Variants in NBAS observed in about 807,000 individuals in gnomAD.
NBAS encodes NAG/BC035112 fusion.
Under a neutral mutation model 302.5 loss-of-function variants are expected in NBAS, and 219 were observed. That is an observed-to-expected ratio of 0.72 (90% CI 0.65 to 0.81). The LOEUF (loss-of-function observed/expected upper bound fraction) is 0.81. NBAS is among the 30% of genes least tolerant of loss of function. The probability of loss-of-function intolerance (pLI) is 0.00; values close to 1 mark genes in which losing one functional copy is unlikely to be tolerated. For synonymous variants in NBAS, 1,118 were observed against 1,021.6 expected, an observed-to-expected ratio of 1.09 and a Z score of -1.80; for missense variants, 2,932 against 2,841.6, an observed-to-expected ratio of 1.03 and a Z score of -0.72.
the NBAS span, among the ~76,000 whole-genome samples, chr2:15,091,967 A>G: frequency 2.6e-5 from 4 of 152,234 alleles, no homozygotes; most frequent in Admixed American, 6.5e-5. Flanking sequence ...CTGGTTAACA[A>G]TAGGCTATTA....
chr2:15,461,342 A>G lies in NBAS; in HGVS notation c.2203-5T>C, dbSNP rs886423571. ...CAGGGCTTGTACATTACTTTCCTGTACAAAAGGCAAGGGGTAAGTTTCTAA... is the reference window on the plus strand; with the variant it reads ...CAGGGCTTGTACATTACTTTCCTGTGCAAAAGGCAAGGGGTAAGTTTCTAA... On this transcript the variant is annotated splice_polypyrimidine_tract_variant and splice_region_variant and intron_variant, in intron 20 of 51. Transcript: ENST00000281513. 6.2e-7 allele frequency: 1 copy of G among 1,611,446 alleles called. No homozygotes were observed. Among genetic ancestry groups the G allele is most frequent in the Admixed American group, 1.7e-5 (1 of 60,012 alleles).
chr2:14,880,598 C>A, the NBAS span, among the ~76,000 whole-genome samples: 1 of 150,808 alleles, frequency 6.6e-6, no homozygotes, highest in South Asian at 2.1e-4. Context: ...TGTGCTGAAA[C>A]TATAAAAAGA....
chr2:14,781,448 T>C, the NBAS span, among the ~76,000 whole-genome samples: 1 of 151,314 alleles, frequency 6.6e-6, no homozygotes. Flanking sequence ...ATTTCCTACC[T>C]GGGCTACTTA....
the NBAS span, among the ~76,000 whole-genome samples, chr2:15,135,867 TAAAAA>T: frequency 7.5e-6 from 1 of 132,458 alleles, no homozygotes. Flanking sequence ...GCTGATGAGC[TAAAAA>T]AAAAAAAAAA....
At chr2:15,265,509 T>A (rs1455289672) in intron 44 of NBAS, among the ~76,000 whole-genome samples, 1 of 152,192 alleles carries the variant, frequency 6.6e-6, no homozygotes, top group African/African-American at 2.4e-5. Context: ...GTGAATACAC[T>A]GTTTTCCTAG....
chr2:15,358,845 C>CT (rs955818377), intron 32 of NBAS, among the ~76,000 whole-genome samples: 29 of 152,064 alleles, frequency 1.9e-4, no homozygotes, highest in African/African-American at 6.8e-4. Flanking sequence ...AAATTTTTGA[C>CT]TTTTTTTCCT....
At chr2:14,865,617 G>A in the NBAS span, among the ~76,000 whole-genome samples, 20 of 152,078 alleles carry the variant, frequency 1.3e-4, 1 homozygote, top group South Asian at 4.1e-4. Context: ...CTTATGCCCA[G>A]CAAGTATATT....
the NBAS span, among the ~76,000 whole-genome samples, chr2:15,048,838 A>G: frequency 6.6e-6 from 1 of 152,206 alleles, no homozygotes. Flanking sequence ...CAAACAAGAC[A>G]CTGTCCCTCC....
At position 15,323,813 on chromosome 2, in the gene NBAS, C is replaced by T. The variant is rs918952825; in HGVS notation, c.4582+3937G>A. On this transcript the variant is annotated intron_variant, in intron 38 of 51. Transcript: ENST00000281513. ...TCACGCCACTGCACTCCAGCCTGGG[C>T]GACACAGCAAGACCCTGTCTCAAAA... 5.3e-5 allele frequency among the ~76,000 whole-genome samples: 8 copies of T among 150,848 alleles called. No homozygotes were observed. In the East Asian group the frequency reaches 7.8e-4, roughly 15 times the overall value.
At chr2:15,108,843 T>C in the NBAS span, among the ~76,000 whole-genome samples, 1 of 152,068 alleles carries the variant, frequency 6.6e-6, no homozygotes, top group Non-Finnish European at 1.5e-5. Flanking sequence ...GGAAGCCAAG[T>C]AGTGCTAGGG....
chr2:15,098,036 ATATTG>A, the NBAS span, among the ~76,000 whole-genome samples: 2 of 25,942 alleles, frequency 7.7e-5, no homozygotes, highest in Non-Finnish European at 6.8e-5. Context: ...TATATATATT[ATATTG>A]TATATAATAT....
chr2:14,842,626 A>C, the NBAS span, among the ~76,000 whole-genome samples: 1 of 152,024 alleles, frequency 6.6e-6, no homozygotes, highest in African/African-American at 2.4e-5. Context: ...CCATAAAGAA[A>C]TACAAAACTT....
intron 48 of NBAS, among the ~76,000 whole-genome samples, chr2:15,216,150 T>C (rs1666644316): frequency 6.6e-6 from 1 of 152,250 alleles, no homozygotes; most frequent in Admixed American, 6.5e-5. Flanking sequence ...GGACACTCAC[T>C]GATTTACTTC....
chr2:15,328,444 T>C, intron 36 of NBAS, 132 bp from the exon 37 acceptor site: 3 of 754,908 alleles, frequency 4.0e-6, no homozygotes, highest in Non-Finnish European at 6.9e-6. Flanking sequence ...TGGTAATGCC[T>C]GCTGCATTTC....
At chr2:15,157,607 T>C in the NBAS span, among the ~76,000 whole-genome samples, 1 of 152,172 alleles carries the variant, frequency 6.6e-6, no homozygotes, top group African/African-American at 2.4e-5. Context: ...CTTTTTTTCA[T>C]ATCAGATGCA....
chr2:14,849,936 A>C, the NBAS span, among the ~76,000 whole-genome samples: 1 of 138,188 alleles, frequency 7.2e-6, no homozygotes, highest in Non-Finnish European at 1.5e-5. Flanking sequence ...GGAAGTGCTA[A>C]ACATGGAAAG....
rs1672626918 is a variant in NBAS at position 15,337,239 on chromosome 2, T to G, written c.4180-6474A>C. Among the ~76,000 whole-genome samples, 2 of 152,100 alleles carry G rather than the reference T, an allele frequency of 1.3e-5. 1 individual carries two copies. Among genetic ancestry groups the G allele is most frequent in the South Asian group, 4.1e-4 (2 of 4,826 alleles). ...CAGAGGCTGATGAGGGAGGACCACT[T>G]AAGCACAGGAGTTTGAAGCTGCAGT... is the stretch of plus-strand genomic sequence containing the variant. On this transcript the variant is annotated intron_variant, in intron 35 of 51. Coordinates refer to ENST00000281513, the MANE Select transcript of NBAS (RefSeq NM_015909.4).
chr2:14,847,382 TAA>T, the NBAS span, among the ~76,000 whole-genome samples: 10,802 of 52,460 alleles, frequency 0.21, 887 homozygotes, highest in African/African-American at 0.37. Flanking sequence ...GACTCTATCT[TAA>T]AAAAAAAAAA....
At chr2:15,187,519 C>T (rs1312639893) in intron 49 of NBAS, among the ~76,000 whole-genome samples, 1 of 152,080 alleles carries the variant, frequency 6.6e-6, no homozygotes, top group Admixed American at 6.6e-5. Context: ...GAAGATCATA[C>T]TTTGGGCTTC....
Sources: gnomAD v4.1 joint callset for allele counts (sites outside exome capture counted in the v4.1 genomes callset) on GRCh38, gnomAD v4.1.1 for gene constraint, MANE v1.5 for transcripts, NCBI Gene and HGNC (gene_info 2026-07-23, HGNC 2026-07-21) for gene names.